Variants in TRDN observed in about 807,000 individuals in gnomAD.
The protein encoded by TRDN is triadin.
TRDN carries 161 observed loss-of-function variants against 149.7 expected under a neutral mutation model. That is an observed-to-expected ratio of 1.08 (90% confidence interval 0.95 to 1.23). The LOEUF is 1.23. Ranked by LOEUF, TRDN falls within the 50% of genes most tolerant of loss-of-function variation. TRDN has a pLI of 0.00. For missense variants in TRDN, 896 were observed against 823.5 expected, an observed-to-expected ratio of 1.09 and a Z score of -1.08; for synonymous variants, 294 against 250.5, an observed-to-expected ratio of 1.17 and a Z score of -1.64.
chr6:123,313,949 A>G (rs1470264912), intron 24 of TRDN, among the ~76,000 whole-genome samples: 1 of 152,098 alleles, frequency 6.6e-6, no homozygotes, highest in Non-Finnish European at 1.5e-5. Context: ...CAAAGATTTC[A>G]TGATGAGGAT....
chr6:123,417,303 T>A (rs1773697014), intron 12 of TRDN, among the ~76,000 whole-genome samples: 1 of 149,016 alleles, frequency 6.7e-6, no homozygotes. Flanking sequence ...CCTAAAATCC[T>A]ACAATATAAA....
chr6:123,588,314 T>C (rs1056833087), intron 1 of TRDN, among the ~76,000 whole-genome samples: 2 of 152,196 alleles, frequency 1.3e-5, no homozygotes, highest in African/African-American at 4.8e-5. Flanking sequence ...TCTGGTATCT[T>C]ATTGCTACAA....
chr6:123,253,131 T>G (rs1776432980), intron 37 of TRDN, among the ~76,000 whole-genome samples: 1 of 152,088 alleles, frequency 6.6e-6, no homozygotes. Flanking sequence ...TTTTTCATAA[T>G]AATTTATTTA....
intron 23 of TRDN, among the ~76,000 whole-genome samples, chr6:123,328,241 T>A (rs950839559): frequency 6.6e-6 from 1 of 152,216 alleles, no homozygotes; most frequent in Admixed American, 6.5e-5. Context: ...ATGGGACTGA[T>A]GCATGCCACC....
intron 1 of TRDN, among the ~76,000 whole-genome samples, chr6:123,599,754 T>C (rs918003373): frequency 2.0e-5 from 3 of 151,990 alleles, no homozygotes; most frequent in Non-Finnish European, 4.4e-5. Context: ...AAAATCTTTT[T>C]AGTATTATGC....
intron 1 of TRDN, among the ~76,000 whole-genome samples, chr6:123,620,633 T>A (rs1294410563): frequency 6.6e-6 from 1 of 151,966 alleles, no homozygotes; most frequent in Non-Finnish European, 1.5e-5. Flanking sequence ...TGAGGCAGAG[T>A]TAGGCTTTCC....
At position 123,255,198 on chromosome 6, in the gene TRDN, C is replaced by T. The variant is rs1562232179; in HGVS notation, c.1907-73G>A. ...TTTCCATCAAAATTTTGTCTCACAT[C>T]AACGAATGAGGATAATTTAAGTGTT... On this transcript the variant is annotated intron_variant, in intron 36 of 40. Transcript: ENST00000334268. 2.0e-5 allele frequency: 14 copies of T among 687,150 alleles called. No individual in the cohort carries two copies. In the East Asian group the frequency reaches 4.3e-4, roughly 21 times the overall value. The allele number at this position is 687,150 out of a possible 1,614,324, so 42.6% of individuals were successfully genotyped here.
At chr6:123,514,088 G>C (rs1432939622) in intron 6 of TRDN, among the ~76,000 whole-genome samples, 1 of 152,000 alleles carries the variant, frequency 6.6e-6, no homozygotes, top group African/African-American at 2.4e-5. Context: ...TTTTTGGATG[G>C]GTGCTGTGGC....
At position 123,331,878 on chromosome 6, in the gene TRDN, C is replaced by T. The variant is rs760003782; in HGVS notation, c.1471+1G>A. 6.5e-6 allele frequency: 10 copies of T among 1,538,282 alleles called. No homozygotes were observed. In the South Asian group the frequency reaches 9.9e-5, roughly 15 times the overall value. On this transcript the variant is annotated splice_donor_variant, in intron 23 of 40. Coordinates refer to ENST00000334268, the MANE Select transcript of TRDN (RefSeq NM_006073.4). LOFTEE classifies it high-confidence loss of function. ...CTTCACATTTCATTGTATAATATTA[C>T]CTTTTTCCTTTAGGGAAGCTGGAAC... is the stretch of plus-strand genomic sequence containing the variant.
intron 1 of TRDN, among the ~76,000 whole-genome samples, chr6:123,608,342 C>G (rs1784617135): frequency 6.6e-6 from 1 of 152,100 alleles, no homozygotes; most frequent in Non-Finnish European, 1.5e-5. Flanking sequence ...CAATTCTATC[C>G]TGATCCCAGC....
intron 4 of TRDN, among the ~76,000 whole-genome samples, chr6:123,538,127 G>A (rs1233416466): frequency 1.3e-5 from 2 of 151,936 alleles, no homozygotes; most frequent in Admixed American, 1.3e-4. Context: ...TATTATAAGG[G>A]TTGTGTATTT....
At chr6:123,333,920 G>A (rs572601299) in intron 22 of TRDN, among the ~76,000 whole-genome samples, 1 of 152,092 alleles carries the variant, frequency 6.6e-6, no homozygotes, top group African/African-American at 2.4e-5. Context: ...AATGGTGCTG[G>A]GATATAAAGT....
At chr6:123,466,525 C>A (rs1776825567) in intron 9 of TRDN, among the ~76,000 whole-genome samples, 1 of 151,646 alleles carries the variant, frequency 6.6e-6, no homozygotes, top group Non-Finnish European at 1.5e-5. Flanking sequence ...ATTGCCTATG[C>A]TTAACAGAAG....
chr6:123,338,778 T>C (rs1003756991), intron 21 of TRDN, among the ~76,000 whole-genome samples: 9 of 152,148 alleles, frequency 5.9e-5, no homozygotes, highest in African/African-American at 2.2e-4. Context: ...TATGTAGAAA[T>C]AGTTGTGAAA....
chr6:123,529,242 G>T, intron 5 of TRDN: 1 of 1,548,882 alleles, frequency 6.5e-7, no homozygotes, highest in Non-Finnish European at 8.7e-7. Flanking sequence ...CACAGAGCCA[G>T]TTCAGTCATG....
intron 24 of TRDN, among the ~76,000 whole-genome samples, chr6:123,308,553 G>T (rs1014270977): frequency 6.6e-6 from 1 of 151,500 alleles, no homozygotes; most frequent in Non-Finnish European, 1.5e-5. Flanking sequence ...TGGACCTCTC[G>T]CCTCATAAAT....
chr6:123,419,415 C>T (rs1158419240), intron 12 of TRDN, among the ~76,000 whole-genome samples: 2 of 152,084 alleles, frequency 1.3e-5, no homozygotes, highest in Non-Finnish European at 2.9e-5. Flanking sequence ...CTCACTCTGG[C>T]ACCTAGGCTG....
chr6:123,310,396 G>T (rs1299438737), intron 24 of TRDN, among the ~76,000 whole-genome samples: 1 of 151,988 alleles, frequency 6.6e-6, no homozygotes, highest in African/African-American at 2.4e-5. Flanking sequence ...AAAAGAAAAG[G>T]AAATTTGTGA....
chr6:123,569,450 T>C (rs1782450829), intron 2 of TRDN, among the ~76,000 whole-genome samples: 1 of 152,230 alleles, frequency 6.6e-6, no homozygotes, highest in Admixed American at 6.5e-5. Flanking sequence ...CTGGTATCCT[T>C]ATAGCAATAC....
Sources: gnomAD v4.1 joint callset for allele counts (sites outside exome capture counted in the v4.1 genomes callset) on GRCh38, gnomAD v4.1.1 for gene constraint, MANE v1.5 for transcripts, NCBI Gene and HGNC (gene_info 2026-07-23, HGNC 2026-07-21) for gene names.